The following NF1 variants were observed in gnomAD, a reference collection of about 807,000 sequenced individuals.
NF1 encodes neurofibromin 1, also known as neurofibromin.
Under a neutral mutation model 325.7 loss-of-function variants are expected in NF1, and 122 were observed. The observed-to-expected ratio is 0.37, with a 90% CI of 0.32 to 0.44. NF1 has a LOEUF of 0.44. Ranked by LOEUF, NF1 falls within the 20% of genes least tolerant of loss-of-function variation. NF1 has a pLI of 1.00. For synonymous variants in NF1, 1,091 were observed against 1,186.0 expected (o/e 0.92, Z 1.65); for missense variants, 2,140 against 3,415.4 (o/e 0.63, Z 9.31).
rs769417700 is a variant in NF1, at chr17:31,260,419, A to G, written c.4481A>G (p.His1494Arg). 1 of 1,614,052 alleles carries G rather than the reference A, an allele frequency of 6.2e-7. No homozygotes were observed. Among genetic ancestry groups the G allele is most frequent in the South Asian group, 1.1e-5 (1 of 91,092 alleles). Residue 1494 changes from histidine (H) to arginine (R), a missense_variant, in exon 34 of 58, where the codon CAT (histidine) becomes CGT (arginine). This residue lies in a region of NF1 where 336 missense variants were observed against 399.0 expected (regional missense o/e 0.84). Transcript: ENST00000358273. ...SDCPTSDAVN[H>R]SLSFISDGNV... is the part of the protein sequence containing the mutation. Reference sequence around the variant, plus strand: ...TGTCCTACAAGTGATGCAGTAAATCATAGTCTTTCCTTCATAAGTGACGGC... The same window carrying G: ...TGTCCTACAAGTGATGCAGTAAATCGTAGTCTTTCCTTCATAAGTGACGGC...
chr17:31,150,067 A>G (rs1440186397), intron 1 of NF1, among the ~76,000 whole-genome samples: 2 of 152,204 alleles, frequency 1.3e-5, no homozygotes, highest in South Asian at 2.1e-4. Context: ...CCACATTTCA[A>G]ACAAATTTTA....
intron 51 of NF1, chr17:31,355,858 AAT>A (rs2070257263): frequency 1.3e-5 from 2 of 153,786 alleles, no homozygotes; most frequent in African/African-American, 4.8e-5. Context: ...AAAAGAAAAA[AAT>A]AGTGTTAATA....
In NF1 at chr17:31,162,736, G is replaced by T. The variant is rs2065783937; in HGVS notation, c.289-450G>T. On this transcript the variant is annotated intron_variant, in intron 3 of 57. Transcript: ENST00000358273. ...AATAAAATTACTTTGAGTAGGTAGT[G>T]TCTGTTTTGGTCAGTCTGCACAAAA... Among the ~76,000 whole-genome samples, 3 of 152,182 alleles carry T rather than the reference G, an allele frequency of 2.0e-5. No homozygotes were observed. The South Asian group carries it at 6.2e-4, about 31-fold the overall frequency.
intron 21 of NF1, 96 bp downstream of exon 21, chr17:31,229,561 C>G: frequency 6.9e-7 from 1 of 1,450,504 alleles, no homozygotes; most frequent in Non-Finnish European, 9.5e-7. Flanking sequence ...TAGGTACTCA[C>G]AGTTTTTAAA....
Position 31,360,537 on chromosome 17 carries a change from C to T in NF1, c.8211C>T (p.Ala2737=), listed in dbSNP as rs1597870152. The part of the protein sequence containing the change: ...YAELIVKFLD[A]LIDTYLPGID... ...AGCTTATTGTTAAGTTTCTTGATGCCTTGATTGACACGTACCTGCCTGGAA... is the reference window on the plus strand; with the variant it reads ...AGCTTATTGTTAAGTTTCTTGATGCTTTGATTGACACGTACCTGCCTGGAA... The change falls in exon 57 of 58, where the codon GCC becomes GCT. Residue 2737 remains alanine, a synonymous_variant. Coordinates refer to ENST00000358273, the MANE Select transcript of NF1 (RefSeq NM_001042492.3). 5.0e-6 allele frequency: 8 copies of T among 1,614,052 alleles called. No individual in the cohort carries two copies. Among genetic ancestry groups the T allele is most frequent in the Non-Finnish European group, 6.8e-6 (8 of 1,179,996 alleles).
chr17:31,320,848 C>G (rs577363592), intron 36 of NF1: 70 of 170,054 alleles, frequency 4.1e-4, no homozygotes, highest in African/African-American at 1.6e-3. Flanking sequence ...CTAGACTGGA[C>G]TTCTGTATTA....
chr17:31,141,308 TG>T (rs1916196747), intron 1 of NF1, among the ~76,000 whole-genome samples: 1 of 151,632 alleles, frequency 6.6e-6, no homozygotes, highest in Non-Finnish European at 1.5e-5. Flanking sequence ...GTGTTAATCT[TG>T]TTTTTTTTTT....
At chr17:31,297,026 C>T (rs536269727) in intron 36 of NF1, 1 of 152,250 alleles carries the variant, frequency 6.6e-6, no homozygotes, top group South Asian at 2.1e-4. Flanking sequence ...CCTCAACTGA[C>T]ACTGCAGCAA....
At chr17:31,250,795 A>G in intron 30 of NF1, 1 of 188,406 alleles carries the variant, frequency 5.3e-6, no homozygotes, top group Non-Finnish European at 1.1e-5. Flanking sequence ...TAAACACTAT[A>G]TGTGGTGATT....
intron 36 of NF1, among the ~76,000 whole-genome samples, chr17:31,266,736 G>T (rs901432332): frequency 7.6e-5 from 11 of 145,054 alleles, no homozygotes; most frequent in South Asian, 4.4e-4. Flanking sequence ...ACAAAGCTGC[G>T]TTTTTTTTTT....
At chr17:31,302,074 C>A (rs1009162278) in intron 36 of NF1, among the ~76,000 whole-genome samples, 1 of 152,120 alleles carries the variant, frequency 6.6e-6, no homozygotes, top group Non-Finnish European at 1.5e-5. Context: ...ACTGACCTCA[C>A]TGGGGAAAAT....
intron 16 of NF1, among the ~76,000 whole-genome samples, chr17:31,224,564 C>T (rs149749987): frequency 1.1e-3 from 169 of 152,196 alleles, no homozygotes; most frequent in African/African-American, 3.8e-3. Flanking sequence ...CTTTCATGGC[C>T]TCGCCTATGG....
chr17:31,247,414 A>G (rs1328892083), intron 29 of NF1, among the ~76,000 whole-genome samples: 4 of 152,176 alleles, frequency 2.6e-5, no homozygotes, highest in Admixed American at 2.6e-4. Context: ...TCTAGCAGTT[A>G]GAAATGTCAG....
intron 3 of NF1, among the ~76,000 whole-genome samples, 172 bp from the exon 4 acceptor site, chr17:31,163,014 C>CT (rs1438718094): frequency 1.3e-5 from 2 of 152,000 alleles, no homozygotes; most frequent in African/African-American, 4.8e-5. Context: ...ATTAAACTAT[C>CT]TATAGACAGA....
rs758569330 is a variant in NF1, at chr17:31,340,415, A to G, written c.6922-90A>G. On this transcript the variant is annotated intron_variant, in intron 46 of 57. Coordinates refer to ENST00000358273, the MANE Select transcript of NF1 (RefSeq NM_001042492.3). The stretch of plus-strand genomic sequence containing the variant: ...GAGAAAACATGGGTAATTTAGGAAG[A>G]TAAGCTGCTTTATTTTTAACTGCAG... The G allele has an allele frequency of 2.0e-5, 30 of 1,534,692 alleles. No homozygotes were observed. In the Admixed American group the frequency reaches 4.5e-4, roughly 23 times the overall value.
intron 36 of NF1, chr17:31,305,463 T>C (rs1308099729): frequency 6.2e-7 from 1 of 1,614,226 alleles, no homozygotes; most frequent in Non-Finnish European, 8.5e-7. Flanking sequence ...CTGTTGTGTT[T>C]TGAGAATTAG....
intron 40 of NF1, 118 bp downstream of exon 40, chr17:31,335,149 T>A: frequency 1.2e-6 from 1 of 827,166 alleles, no homozygotes; most frequent in Non-Finnish European, 1.9e-6. Flanking sequence ...AAACACAGTT[T>A]CCTCCTTCAG....
At chr17:31,140,712 A>G (rs1324885581) in intron 1 of NF1, among the ~76,000 whole-genome samples, 1 of 152,180 alleles carries the variant, frequency 6.6e-6, no homozygotes, top group Non-Finnish European at 1.5e-5. Context: ...ATGTCTGTTG[A>G]TGGCAAATTG....
chr17:31,154,345 C>G (rs13341503), intron 1 of NF1, among the ~76,000 whole-genome samples: 1 of 152,044 alleles, frequency 6.6e-6, no homozygotes, highest in Non-Finnish European at 1.5e-5. Flanking sequence ...ATGTGAGCCA[C>G]CGCACCTGGC....
Sources: gnomAD v4.1 joint callset for allele counts (sites outside exome capture counted in the v4.1 genomes callset) on GRCh38, gnomAD v4.1.1 for gene constraint, gnomAD v4.1.1 regional missense constraint, MANE v1.5 for transcripts, NCBI Gene and HGNC (gene_info 2026-07-23, HGNC 2026-07-21) for gene names.